Variants in CRY1 observed in about 807,000 individuals in gnomAD.
The protein encoded by CRY1 is cryptochrome-1.
A neutral mutation model predicts 76.0 loss-of-function variants in CRY1; 45 were observed. The observed-to-expected ratio is 0.59, with a 90% CI of 0.47 to 0.76. CRY1 has a LOEUF of 0.76. Ranked by LOEUF, CRY1 falls within the 30% of genes least tolerant of loss-of-function variation. The pLI is 0.00. For synonymous variants in CRY1, 248 were observed against 244.0 expected (o/e 1.02, Z -0.15); for missense variants, 587 against 716.4 (o/e 0.82, Z 2.06).
At chr12:107,040,338 G>A (rs1952784512) in intron 1 of CRY1, among the ~76,000 whole-genome samples, 1 of 15,204 alleles carries the variant, frequency 6.6e-5, no homozygotes, top group South Asian at 2.5e-3. Context: ...CAGGCTGGAG[G>A]TGCAGTGGCA....
At chr12:107,001,071 A>G (rs1952303705) in intron 5 of CRY1, among the ~76,000 whole-genome samples, 1 of 152,168 alleles carries the variant, frequency 6.6e-6, no homozygotes, top group Admixed American at 6.5e-5. Flanking sequence ...TAGTAGCTAA[A>G]GGGGAAATAA....
chr12:107,070,499 T>C (rs1025346980), intron 1 of CRY1, among the ~76,000 whole-genome samples: 4 of 151,730 alleles, frequency 2.6e-5, no homozygotes, highest in African/African-American at 7.3e-5. Flanking sequence ...TAACAAACAA[T>C]GCATTTATGT....
chr12:107,004,195 G>T (rs1952344807), intron 3 of CRY1, among the ~76,000 whole-genome samples: 2 of 152,098 alleles, frequency 1.3e-5, no homozygotes, highest in Non-Finnish European at 2.9e-5. Context: ...GCTCCTTAAA[G>T]TTAAGCAAAT....
chr12:107,049,966 C>T (rs1952899642), intron 1 of CRY1: 2 of 151,692 alleles, frequency 1.3e-5, no homozygotes, highest in African/African-American at 4.9e-5. Flanking sequence ...TAGAAATGGC[C>T]CTAATTGCTA....
intron 1 of CRY1, among the ~76,000 whole-genome samples, chr12:107,054,133 C>A (rs1392807798): frequency 6.6e-6 from 1 of 152,054 alleles, no homozygotes; most frequent in Middle Eastern, 3.4e-3. Context: ...TGAATACTGG[C>A]CTTATAAAAC....
intron 1 of CRY1, among the ~76,000 whole-genome samples, chr12:107,056,008 T>G (rs1045482579): frequency 6.6e-6 from 1 of 151,860 alleles, no homozygotes; most frequent in African/African-American, 2.4e-5. Flanking sequence ...CCCTAAAGAG[T>G]TGGCAAGACA....
chr12:107,047,001 C>A (rs1435811419), intron 1 of CRY1, among the ~76,000 whole-genome samples: 1 of 152,162 alleles, frequency 6.6e-6, no homozygotes, highest in Non-Finnish European at 1.5e-5. Flanking sequence ...AAACACTGGA[C>A]TTAAACTGCA....
intron 2 of CRY1, among the ~76,000 whole-genome samples, chr12:107,013,449 T>C (rs1342695047): frequency 6.6e-6 from 1 of 152,240 alleles, no homozygotes; most frequent in Admixed American, 6.5e-5. Context: ...CAGAATAGTA[T>C]AAAGACAACT....
intron 1 of CRY1, among the ~76,000 whole-genome samples, chr12:107,042,330 A>G (rs1201650759): frequency 6.6e-6 from 1 of 152,192 alleles, no homozygotes; most frequent in Non-Finnish European, 1.5e-5. Flanking sequence ...GTCTGAAAGT[A>G]TCTCTCCCAA....
chr12:107,051,827 C>A (rs1271747900), intron 1 of CRY1, among the ~76,000 whole-genome samples: 2 of 152,052 alleles, frequency 1.3e-5, no homozygotes, highest in African/African-American at 2.4e-5. Context: ...TAATTTTTAT[C>A]TATTTTTAAA....
chr12:107,014,133 AC>A (rs35844682), intron 2 of CRY1, among the ~76,000 whole-genome samples: 20,942 of 152,170 alleles, frequency 0.14, 1,850 homozygotes, highest in East Asian at 0.31. Flanking sequence ...GGAACACACA[AC>A]CTTCCCTGTA....
chr12:107,001,685 A>C, intron 4 of CRY1, 79 bp downstream of exon 4: 2 of 1,323,666 alleles, frequency 1.5e-6, no homozygotes, highest in South Asian at 3.3e-5. Flanking sequence ...TTTACATGGC[A>C]AAATTAAAAG....
chr12:107,079,679 C>A (rs150437146), intron 1 of CRY1, among the ~76,000 whole-genome samples: 229 of 152,160 alleles, frequency 1.5e-3, no homozygotes, highest in African/African-American at 5.2e-3. Flanking sequence ...TTGCTTCTCT[C>A]TGCTTGGAAT....
At chr12:107,049,833 A>G (rs1296207058) in intron 1 of CRY1, 1 of 152,216 alleles carries the variant, frequency 6.6e-6, no homozygotes, top group Non-Finnish European at 1.5e-5. Flanking sequence ...CCAGTTTAAC[A>G]TGTATTTAGT....
intron 1 of CRY1, among the ~76,000 whole-genome samples, chr12:107,037,002 C>T (rs1952741255): frequency 6.6e-6 from 1 of 152,110 alleles, no homozygotes; most frequent in Non-Finnish European, 1.5e-5. Flanking sequence ...CTGTATCTCA[C>T]CCCCACTCAG....
intron 1 of CRY1, among the ~76,000 whole-genome samples, chr12:107,082,876 A>G (rs2136900678): frequency 6.6e-6 from 1 of 152,312 alleles, no homozygotes; most frequent in African/African-American, 2.4e-5. Context: ...GAGACACGAA[A>G]AACCCTTCAA....
intron 7 of CRY1, 56 bp from the exon 8 acceptor site, chr12:106,998,122 A>G (rs1237122026): frequency 1.3e-6 from 2 of 1,595,482 alleles, no homozygotes; most frequent in African/African-American, 2.7e-5. Flanking sequence ...CAAAGCAAGC[A>G]TTTTCAAGGT....
chr12:107,056,172 G>C (rs901813255), intron 1 of CRY1, among the ~76,000 whole-genome samples: 1 of 152,194 alleles, frequency 6.6e-6, no homozygotes, highest in Non-Finnish European at 1.5e-5. Context: ...TCAAGACAGA[G>C]AGTCTAAGAT....
chr12:107,088,747 T>C (rs1252296892), intron 1 of CRY1, among the ~76,000 whole-genome samples: 2 of 151,910 alleles, frequency 1.3e-5, no homozygotes, highest in Non-Finnish European at 1.5e-5. Context: ...ATGCTAAGAG[T>C]GATGTGAGGA....
Sources: allele counts gnomAD v4.1 joint callset (sites outside exome capture counted in the v4.1 genomes callset), GRCh38; gene constraint gnomAD v4.1.1; transcripts MANE v1.5; gene names NCBI Gene and HGNC (gene_info 2026-07-23, HGNC 2026-07-21).